MEGF6: variants seen among roughly 807,000 people sequenced by gnomAD.
MEGF6 encodes the protein multiple epidermal growth factor-like domains protein 6.
MEGF6 carries 184 observed loss-of-function variants against 207.1 expected under a neutral mutation model. The observed-to-expected ratio is 0.89, with a 90% CI of 0.79 to 1.00. The LOEUF is 1.00. MEGF6 is among the 50% of genes least tolerant of loss of function. The pLI, the probability that MEGF6 is intolerant of heterozygous loss-of-function variation, is 0.00. For missense variants in MEGF6, 2,282 were observed against 2,202.9 expected (o/e 1.04, Z -0.72); for synonymous variants, 1,038 against 910.0 (o/e 1.14, Z -2.53).
In MEGF6 at chr1:3,602,451, G is replaced by A. The variant is rs981608594; in HGVS notation, c.266+15C>T. 1.2e-6 allele frequency: 2 copies of A among 1,613,216 alleles called. No homozygotes were observed. The highest frequency in any genetic ancestry group is 1.7e-5 in the Admixed American group (1 of 59,988). ...TGAATGGAGCCCCTCCCCCAACACG[G>A]GCCCCTGCACTTACCTCCGCTCATG... On this transcript the variant is annotated intron_variant, in intron 2 of 36. Transcript: ENST00000356575.
At chr1:3,561,302 C>T (rs1167914554) in intron 4 of MEGF6, among the ~76,000 whole-genome samples, 1 of 152,136 alleles carries the variant, frequency 6.6e-6, no homozygotes, top group East Asian at 1.9e-4. Flanking sequence ...CCCCTGGGGA[C>T]CCAAGCTGGA....
chr1:3,499,314 G>A (rs1334348234), intron 23 of MEGF6, 48 bp from the exon 24 acceptor site: 3 of 1,558,866 alleles, frequency 1.9e-6, no homozygotes, highest in South Asian at 1.2e-5. Flanking sequence ...CAGGACCCCA[G>A]GGGTTGGCAG....
At chr1:3,523,030 G>A (rs946481000) in intron 5 of MEGF6, among the ~76,000 whole-genome samples, 45 of 152,120 alleles carry the variant, frequency 3.0e-4, no homozygotes, top group Non-Finnish European at 5.9e-5. Context: ...TTTACAGAGC[G>A]GCTGCCTGGA....
intron 5 of MEGF6, among the ~76,000 whole-genome samples, chr1:3,515,995 TG>T (rs1358963628): frequency 2.6e-5 from 4 of 152,120 alleles, no homozygotes; most frequent in African/African-American, 9.7e-5. Context: ...TAGGCCAGGG[TG>T]GGGGCAGATG....
intron 2 of MEGF6, 99 bp downstream of exon 2, chr1:3,602,367 C>G (rs1644173660): frequency 2.6e-6 from 4 of 1,537,824 alleles, no homozygotes; most frequent in Non-Finnish European, 3.5e-6. Flanking sequence ...GCCCTGAGAC[C>G]AGGACGGGGT....
At chr1:3,623,545 G>C in the MEGF6 span, 1 of 152,336 alleles carries the variant, frequency 6.6e-6, no homozygotes, top group Non-Finnish European at 1.5e-5. Flanking sequence ...CCTTGCCGGG[G>C]AGACAGCCTC....
intron 4 of MEGF6, among the ~76,000 whole-genome samples, chr1:3,549,796 G>A (rs986375143): frequency 3.3e-5 from 5 of 152,252 alleles, no homozygotes; most frequent in African/African-American, 4.8e-5. Flanking sequence ...TACAAGGTGA[G>A]TCTTGAGCAG....
At chr1:3,591,023 C>T (rs186410142) in intron 3 of MEGF6, among the ~76,000 whole-genome samples, 96 of 152,286 alleles carry the variant, frequency 6.3e-4, no homozygotes, top group African/African-American at 2.2e-3. Context: ...AGACCGTGAG[C>T]AGCCGTGTGT....
intron 4 of MEGF6, among the ~76,000 whole-genome samples, chr1:3,578,517 A>C (rs1434703624): frequency 6.6e-6 from 1 of 150,504 alleles, no homozygotes; most frequent in Non-Finnish European, 1.5e-5. Flanking sequence ...GTCACAGGGC[A>C]ATGACAGGGC....
chr1:3,582,779 A>G (rs1643829843), intron 3 of MEGF6, among the ~76,000 whole-genome samples: 1 of 152,018 alleles, frequency 6.6e-6, no homozygotes. Flanking sequence ...TCTTCCCCAA[A>G]TGTCACTTCC....
intron 17 of MEGF6, among the ~76,000 whole-genome samples, chr1:3,502,407 G>T (rs1192528779): frequency 6.6e-6 from 1 of 151,748 alleles, no homozygotes; most frequent in Non-Finnish European, 1.5e-5. Flanking sequence ...TGGCGATGCT[G>T]ATCCAGTCTC....
chr1:3,586,418 T>C (rs377678240), intron 3 of MEGF6, among the ~76,000 whole-genome samples: 5 of 152,316 alleles, frequency 3.3e-5, no homozygotes, highest in Admixed American at 1.3e-4. Context: ...TGCAAGGCAG[T>C]GCATGAGTGA....
chr1:3,494,955 T>C (rs1045783405), intron 30 of MEGF6, among the ~76,000 whole-genome samples: 1 of 152,148 alleles, frequency 6.6e-6, no homozygotes, highest in Non-Finnish European at 1.5e-5. Flanking sequence ...CCAGGCCTGG[T>C]CTAGGAACTG....
the MEGF6 span, among the ~76,000 whole-genome samples, chr1:3,618,809 AG>A: frequency 2.0e-5 from 3 of 152,154 alleles, no homozygotes; most frequent in African/African-American, 7.2e-5. This position sits in a 1 kb window ranked among gnomAD's most constrained non-coding sequence, Gnocchi z 4.7. Context: ...AACATTCCTC[AG>A]CCCAAAGTGC....
chr1:3,505,278 G>A lies in MEGF6; in HGVS notation c.2118C>T (p.Ala706=), dbSNP rs914315912. The change falls in exon 17 of 37, where the codon GCC becomes GCT. Residue 706 remains alanine, a synonymous_variant. Coordinates refer to ENST00000356575, the MANE Select transcript of MEGF6 (RefSeq NM_001409.4). The stretch of plus-strand genomic sequence containing the variant: ...CACACTCGCCGCTCACGGAGTCACA[G>A]GCCACGCCCACTGGGCAGGTGCATG... ...WQACTCPVGV[A]CDSVSGECGK... is the part of the protein sequence containing the mutation. The A allele has an allele frequency of 2.2e-5, 36 of 1,612,356 alleles. No individual in the cohort carries two copies. Among genetic ancestry groups the A allele is most frequent in the Non-Finnish European group, 3.0e-5 (35 of 1,179,792 alleles).
chr1:3,614,990 C>T (rs949295436), upstream of MEGF6, among the ~76,000 whole-genome samples: 11 of 152,294 alleles, frequency 7.2e-5, no homozygotes, highest in Middle Eastern at 0.01. Flanking sequence ...AAGGGCCTGC[C>T]GTGTTGATTC....
intron 4 of MEGF6, among the ~76,000 whole-genome samples, chr1:3,550,244 T>C (rs1408512182): frequency 6.6e-6 from 1 of 152,100 alleles, no homozygotes; most frequent in East Asian, 1.9e-4. Context: ...ACAGCAGACT[T>C]GTCCACAGCC....
At chr1:3,595,053 G>C (rs1477904481) in intron 3 of MEGF6, among the ~76,000 whole-genome samples, 4 of 152,042 alleles carry the variant, frequency 2.6e-5, no homozygotes, top group Non-Finnish European at 5.9e-5. Context: ...ATGGCCCCAG[G>C]AAACCCTCAG....
At chr1:3,513,747 A>G (rs1233112509) in intron 7 of MEGF6, among the ~76,000 whole-genome samples, 2 of 149,546 alleles carry the variant, frequency 1.3e-5, no homozygotes, top group East Asian at 4.0e-4. Flanking sequence ...GCACCACCAC[A>G]CCTGGCTAAT....
Sources: gnomAD v4.1 joint callset for allele counts (sites outside exome capture counted in the v4.1 genomes callset) on GRCh38, gnomAD v4.1.1 for gene constraint, Gnocchi (gnomAD v3.1) non-coding constraint, MANE v1.5 for transcripts, NCBI Gene and HGNC (gene_info 2026-07-23, HGNC 2026-07-21) for gene names.